Variants in KIF2C observed in about 807,000 individuals in gnomAD.
KIF2C encodes the protein kinesin family member 2C.
Under a neutral mutation model 97.4 loss-of-function variants are expected in KIF2C, and 34 were observed. The observed-to-expected ratio is 0.35, with a 90% CI of 0.27 to 0.46. The LOEUF (loss-of-function observed/expected upper bound fraction) is 0.46, where lower values mean the gene tolerates loss of function less well. KIF2C is among the 20% of genes least tolerant of loss of function. The probability of loss-of-function intolerance (pLI) is 1.00; values close to 1 mark genes in which losing one functional copy is unlikely to be tolerated. For missense variants in KIF2C, 750 were observed against 907.6 expected, an observed-to-expected ratio of 0.83 and a Z score of 2.23; for synonymous variants, 313 against 318.2, an observed-to-expected ratio of 0.98 and a Z score of 0.17.
rs1648842049 is a variant in KIF2C, at chr1:44,739,868, T to A, written c.-65T>A. 1 of 1,471,466 alleles carries A rather than the reference T, an allele frequency of 6.8e-7. No homozygotes were observed. Among genetic ancestry groups the A allele is most frequent in the Admixed American group, 1.7e-5 (1 of 59,738 alleles). The allele number at this position is 1,471,466 out of a possible 1,614,324, so 91.2% of individuals were successfully genotyped here. On this transcript the variant is annotated 5_prime_UTR_variant, in exon 1 of 21. Coordinates refer to ENST00000372224, the MANE Select transcript of KIF2C (RefSeq NM_006845.4). ...CGGCGGTTTACGCGGCGTTAAGACTTCGTAGGGTTAGCGAAATTGAGGTTT... is the reference window on the plus strand; with the variant it reads ...CGGCGGTTTACGCGGCGTTAAGACTACGTAGGGTTAGCGAAATTGAGGTTT...
At chr1:44,762,696 A>C in intron 19 of KIF2C, 38 bp downstream of exon 19, 1 of 1,369,344 alleles carries the variant, frequency 7.3e-7, no homozygotes, top group Non-Finnish European at 1.0e-6. Context: ...TGGATGCAGC[A>C]CGGCCCTCAG....
intron 13 of KIF2C, among the ~76,000 whole-genome samples, chr1:44,758,880 A>G (rs1044433897): frequency 1.3e-5 from 2 of 151,926 alleles, no homozygotes; most frequent in African/African-American, 4.8e-5. Context: ...CCGTCTCAAA[A>G]TAATAATAAT....
intron 2 of KIF2C, among the ~76,000 whole-genome samples, chr1:44,741,770 C>T (rs966185516): frequency 6.6e-6 from 1 of 152,028 alleles, no homozygotes; most frequent in African/African-American, 2.4e-5. Flanking sequence ...GGGCAGATCG[C>T]TTTGAGCTCA....
At chr1:44,750,238 G>C (rs1357421168) in intron 4 of KIF2C, 1 of 442,604 alleles carries the variant, frequency 2.3e-6, no homozygotes, top group Non-Finnish European at 3.8e-6. Flanking sequence ...GGAGCTCCTA[G>C]ATTTGCACAA....
At chr1:44,765,614 C>G (rs1375412137) in intron 19 of KIF2C, among the ~76,000 whole-genome samples, 1 of 152,146 alleles carries the variant, frequency 6.6e-6, no homozygotes, top group Non-Finnish European at 1.5e-5. Flanking sequence ...GCAGGCAGAT[C>G]ACAAGGTCAG....
chr1:44,751,182 ATTTTATTAT>A (rs1649489998), intron 5 of KIF2C, among the ~76,000 whole-genome samples: 1 of 137,230 alleles, frequency 7.3e-6, no homozygotes, highest in Admixed American at 7.3e-5. Context: ...TTCTTTCTGT[ATTTTATTAT>A]TTATTTATTT....
intron 10 of KIF2C, among the ~76,000 whole-genome samples, chr1:44,757,084 A>AT (rs1649882577): frequency 6.6e-6 from 1 of 150,452 alleles, no homozygotes; most frequent in African/African-American, 2.5e-5. Flanking sequence ...CACCTGGCTA[A>AT]TTTTTTGTAT....
At position 44,767,655 on chromosome 1, in the gene KIF2C, T is replaced by C. The variant is rs569303777; in HGVS notation, c.*476T>C. On this transcript the variant is annotated 3_prime_UTR_variant, in exon 21 of 21. Coordinates refer to ENST00000372224, the MANE Select transcript of KIF2C (RefSeq NM_006845.4). ...ATGTTTCTGAGACCTCTTTCTACTT[T>C]ACTGTCTCCCTAGAGATCCTAGAGG... The C allele has an allele frequency of 6.1e-6, 1 of 162,720 alleles. No individual in the cohort carries two copies. Among genetic ancestry groups the C allele is most frequent in the African/African-American group, 2.4e-5 (1 of 41,714 alleles). The allele number at this position is 162,720 out of a possible 1,614,324, so 10.1% of individuals were successfully genotyped here. A position where few individuals can be genotyped will look rare whatever the true frequency, so the allele number is the denominator to read the frequency against.
chr1:44,755,500 G>A (rs891473539), intron 8 of KIF2C, among the ~76,000 whole-genome samples: 16 of 152,250 alleles, frequency 1.1e-4, no homozygotes, highest in East Asian at 3.9e-4. Context: ...TCCTGACCTC[G>A]TGATCTGCCC....
intron 13 of KIF2C, 90 bp downstream of exon 13, chr1:44,758,230 ATTAG>A: frequency 1.1e-5 from 4 of 377,236 alleles, no homozygotes; most frequent in Admixed American, 1.3e-4. Flanking sequence ...CCAAAAACCT[ATTAG>A]CTGATTAGCT....
chr1:44,750,458 C>T lies in KIF2C; in HGVS notation c.333C>T (p.Ser111=), dbSNP rs897913634. The T allele has an allele frequency of 6.6e-7, 1 of 1,515,720 alleles. No homozygotes were observed. The highest frequency in any genetic ancestry group is 1.9e-5 in the Admixed American group (1 of 51,402). The allele number at this position is 1,515,720 out of a possible 1,614,324, so 93.9% of individuals were successfully genotyped here. ...GTTCTCCAGGTCTTCGAAGCCGCTC[C>T]ACTCGCATGTCCACTGTCTCAGAGC... The part of the protein sequence containing the change: ...PAPKESLRSR[S]TRMSTVSELR... The change falls in exon 5 of 21, where the codon TCC becomes TCT. Residue 111 remains serine (S), a synonymous_variant. Transcript: ENST00000372224.
At chr1:44,742,779 C>T (rs1649001907) in intron 2 of KIF2C, among the ~76,000 whole-genome samples, 1 of 151,826 alleles carries the variant, frequency 6.6e-6, no homozygotes, top group African/African-American at 2.4e-5. Flanking sequence ...CTTTGCTTGC[C>T]CAAGCTAGGT....
At chr1:44,755,810 G>C in intron 8 of KIF2C, 119 bp from the exon 9 acceptor site, 1 of 831,966 alleles carries the variant, frequency 1.2e-6, no homozygotes, top group South Asian at 1.5e-5. Flanking sequence ...CCTAGTGTTA[G>C]ATCTTGGCCT....
At chr1:44,740,036 G>T (rs771608703) in intron 1 of KIF2C, 34 bp downstream of exon 1, 4 of 1,613,242 alleles carry the variant, frequency 2.5e-6, no homozygotes, top group Non-Finnish European at 3.4e-6. Context: ...AAGGGGACTC[G>T]TGAGCGGTGA....
chr1:44,751,821 C>CT (rs375561958), intron 5 of KIF2C, among the ~76,000 whole-genome samples: 78,369 of 99,942 alleles, frequency 0.78, 32,603 homozygotes, highest in Middle Eastern at 0.91. Flanking sequence ...CTTTTTATAC[C>CT]TTTTTTTTTT....
In KIF2C at chr1:44,757,895, C is replaced by A. The variant is rs1040881245; in HGVS notation, c.1069-13C>A. ...AGCCCTTTTCCATGGTCTTCTACCC[C>A]TTCCCTTTGCAGACTATGGGCGGAG... On this transcript the variant is annotated splice_polypyrimidine_tract_variant and intron_variant, in intron 11 of 20. Transcript: ENST00000372224. 2 of 1,613,732 alleles carry A rather than the reference C, an allele frequency of 1.2e-6. No individual in the cohort carries two copies. Among genetic ancestry groups the A allele is most frequent in the Non-Finnish European group, 1.7e-6 (2 of 1,179,784 alleles).
chr1:44,744,336 G>A (rs1437764673), intron 2 of KIF2C, among the ~76,000 whole-genome samples: 3 of 152,130 alleles, frequency 2.0e-5, no homozygotes, highest in Non-Finnish European at 4.4e-5. Flanking sequence ...TCAAACTCCT[G>A]ACCTCAAGTG....
rs542744849 is a variant in KIF2C at position 44,760,332 on chromosome 1, T to G, written c.1420T>G (p.Phe474Val). The G allele has an allele frequency of 2.5e-6, 4 of 1,614,204 alleles. No individual in the cohort carries two copies. Among genetic ancestry groups the G allele is most frequent in the Admixed American group, 3.3e-5 (2 of 60,024 alleles). The change falls in exon 15 of 21, where the codon TTC becomes GTC. Residue 474 changes from phenylalanine (F) to valine (V), a missense_variant. Physicochemically the swap from Phe to Val is conservative, Grantham distance 50. Coordinates refer to ENST00000372224, the MANE Select transcript of KIF2C (RefSeq NM_006845.4). This position sits in a 1 kb window ranked among gnomAD's most constrained non-coding sequence, Gnocchi z 4.2. The part of the protein sequence containing the change: ...NSNSSRSHAC[F>V]QIILRAKGRM... ...CAATTCCTCCCGCTCCCACGCGTGC[T>G]TCCAAATTATTCTTCGAGCTAAAGG...
chr1:44,740,876 AAG>A, intron 1 of KIF2C, 35 bp from the exon 2 acceptor site: 2 of 1,480,962 alleles, frequency 1.4e-6, no homozygotes, highest in Non-Finnish European at 1.9e-6. Context: ...GCTCTCAGGA[AAG>A]AGATGGGTAA....
Sources: allele counts gnomAD v4.1 joint callset (sites outside exome capture counted in the v4.1 genomes callset), GRCh38; gene constraint gnomAD v4.1.1; non-coding constraint Gnocchi (gnomAD v3.1); transcripts MANE v1.5; gene names NCBI Gene and HGNC (gene_info 2026-07-23, HGNC 2026-07-21).